Variants in CDC20 observed in about 807,000 individuals in gnomAD.
CDC20 encodes the protein cell division cycle protein 20 homolog.
CDC20 carries 34 observed loss-of-function variants against 60.0 expected under a neutral mutation model. The observed-to-expected ratio is 0.57, with a 90% CI of 0.43 to 0.75. The LOEUF is 0.75. Among genes scored for constraint, CDC20 ranks in the 30% least tolerant of loss-of-function variants. CDC20 has a pLI of 0.00. For missense variants in CDC20, 469 were observed against 647.3 expected (o/e 0.72, Z 2.99); for synonymous variants, 198 against 243.5 (o/e 0.81, Z 1.74).
At chr1:43,361,270 C>T in intron 9 of CDC20, 25 bp downstream of exon 9, 1 of 1,552,906 alleles carries the variant, frequency 6.4e-7, no homozygotes. Context: ...GTTCCTGCCT[C>T]TCCCACATGC....
intron 7 of CDC20, 41 bp downstream of exon 7, chr1:43,360,634 C>A (rs1647168683): frequency 1.3e-6 from 2 of 1,580,924 alleles, no homozygotes; most frequent in African/African-American, 2.7e-5. Context: ...TGATATTTGC[C>A]CACCCTCCCC....
rs200136845 is a variant in CDC20, at chr1:43,359,832, A to G, written c.427+11A>G. Reference sequence around the variant, plus strand: ...AAAATGCGCCAGAGGGTAAGACCCGAAGTTCCTGGTTCCTGGAGGGAGGTG... The same window carrying G: ...AAAATGCGCCAGAGGGTAAGACCCGGAGTTCCTGGTTCCTGGAGGGAGGTG... On this transcript the variant is annotated intron_variant, in intron 4 of 10. Transcript: ENST00000310955. 5 of 1,613,630 alleles carry G rather than the reference A, an allele frequency of 3.1e-6. No individual in the cohort carries two copies. The Admixed American group carries it at 8.3e-5, about 27-fold the overall frequency.
chr1:43,362,340 T>C (rs377717351), intron 10 of CDC20, 28 bp downstream of exon 10: 1 of 950,020 alleles, frequency 1.1e-6, no homozygotes, highest in African/African-American at 1.6e-5. Flanking sequence ...AAGCCGGACA[T>C]AAAAGGCCAC....
At position 43,360,082 on chromosome 1, in the gene CDC20, A is replaced by C; in HGVS notation, c.541A>C (p.Ile181Leu). The change falls in exon 5 of 11, where the codon ATC (isoleucine) becomes CTC (leucine). Residue 181 changes from isoleucine to leucine, a missense_variant. Physicochemically the swap from Ile to Leu is conservative, Grantham distance 5 (BLOSUM62 2). This residue lies in a region of CDC20 where 255 missense variants were observed against 326.7 expected (regional missense o/e 0.78). Coordinates refer to ENST00000310955, the MANE Select transcript of CDC20 (RefSeq NM_001255.3). ...AGACCGTATCCTGGATGCGCCTGAA[A>C]TCCGAAATGACTATTGTAAGTGCAT... ...LPDRILDAPE[I>L]RNDYYLNLVD... 6.2e-7 allele frequency: 1 copy of C among 1,614,222 alleles called. No individual in the cohort carries two copies. Among genetic ancestry groups the C allele is most frequent in the Non-Finnish European group, 8.5e-7 (1 of 1,180,044 alleles).
At position 43,362,871 on chromosome 1, in the gene CDC20, AAGGT is replaced by A. The variant is rs1360795496; in HGVS notation, c.1322-75_1322-72del. The A allele has an allele frequency of 2.1e-5, 23 of 1,094,604 alleles. No individual in the cohort carries two copies. The East Asian group carries it at 5.0e-4, about 24-fold the overall frequency. The allele number at this position is 1,094,604 out of a possible 1,614,324, so 67.8% of individuals were successfully genotyped here. ...CAGAGCAAGTCTCAAAAAAAACAAA[AAGGT>A]AGGTGGGTGGCCCAGTGCCTCCTTT... On this transcript the variant is annotated intron_variant, in intron 10 of 10. Transcript: ENST00000310955.
At position 43,359,208 on chromosome 1, in the gene CDC20, G is replaced by GCGCT; in HGVS notation, c.-6_-3dup. 1 of 1,611,554 alleles carries GCGCT rather than the reference G, an allele frequency of 6.2e-7. No individual in the cohort carries two copies. The highest frequency in any genetic ancestry group is 2.2e-5 in the East Asian group (1 of 44,858). ...ACTGCAAGGACCCCTCCCCCTGCGG[G>GCGCT]CGCTCCCATGGCACAGTTCGCGTTC... is the stretch of plus-strand genomic sequence containing the variant. On this transcript the variant is annotated 5_prime_UTR_variant, in exon 2 of 11. Transcript: ENST00000310955.
At chr1:43,359,943 C>A (rs773745868) in intron 4 of CDC20, 26 bp from the exon 5 acceptor site, 1 of 1,613,738 alleles carries the variant, frequency 6.2e-7, no homozygotes, top group Non-Finnish European at 8.5e-7. Flanking sequence ...ATTTTCCCAG[C>A]GTCTAGACTC....
In CDC20 at chr1:43,360,084, C is replaced by T; in HGVS notation, c.543C>T (p.Ile181=). 6.2e-7 allele frequency: 1 copy of T among 1,614,220 alleles called. No individual in the cohort carries two copies. The highest frequency in any genetic ancestry group is 8.5e-7 in the Non-Finnish European group (1 of 1,180,032). Residue 181 remains isoleucine, a synonymous_variant, in exon 5 of 11, where the codon ATC becomes ATT. Transcript: ENST00000310955. The part of the protein sequence containing the change: ...LPDRILDAPE[I]RNDYYLNLVD... ...ACCGTATCCTGGATGCGCCTGAAATCCGAAATGACTATTGTAAGTGCATCC... is the reference window on the plus strand; with the variant it reads ...ACCGTATCCTGGATGCGCCTGAAATTCGAAATGACTATTGTAAGTGCATCC...
Position 43,359,173 on chromosome 1 carries a change from G to C in CDC20, c.-43G>C. 1.9e-6 allele frequency: 3 copies of C among 1,604,094 alleles called. No homozygotes were observed. The highest frequency in any genetic ancestry group is 1.1e-5 in the South Asian group (1 of 90,846). On this transcript the variant is annotated 5_prime_UTR_variant, in exon 2 of 11. Transcript: ENST00000310955. ...GTCGCCTCCTTTCCTCCAGGGCTCC[G>C]TAGGCACCAACTGCAAGGACCCCTC...
In CDC20 at chr1:43,360,111, T is replaced by C. The variant is rs756340067; in HGVS notation, c.556+14T>C. ...GAAATGACTATTGTAAGTGCATCCT[T>C]ATCCTCGCCTCATGCATGGAGAAAG... On this transcript the variant is annotated intron_variant, in intron 5 of 10. Coordinates refer to ENST00000310955, the MANE Select transcript of CDC20 (RefSeq NM_001255.3). 1 of 1,614,220 alleles carries C rather than the reference T, an allele frequency of 6.2e-7. No individual in the cohort carries two copies. Among genetic ancestry groups the C allele is most frequent in the East Asian group, 2.2e-5 (1 of 44,892 alleles).
chr1:43,360,891 G>A lies in CDC20; in HGVS notation c.1007G>A (p.Trp336Ter). 1 of 1,614,174 alleles carries A rather than the reference G, an allele frequency of 6.2e-7. No homozygotes were observed. The highest frequency in any genetic ancestry group is 1.1e-5 in the South Asian group (1 of 91,084). The change falls in exon 8 of 11, where the codon TGG becomes TAG. Residue 336 changes from tryptophan (W) to a stop codon, truncating the protein, a stop_gained. Coordinates refer to ENST00000310955, the MANE Select transcript of CDC20 (RefSeq NM_001255.3). LOFTEE classifies it high-confidence loss of function. ...SGGNDNLVNV[W>*]PSAPGEGGWV... Reference sequence around the variant, plus strand: ...GGTAATGATAACTTGGTCAATGTGTGGCCTAGTGCTCCTGGAGAGGGTGGC... The same window carrying A: ...GGTAATGATAACTTGGTCAATGTGTAGCCTAGTGCTCCTGGAGAGGGTGGC...
intron 1 of CDC20, 60 bp downstream of exon 1, chr1:43,359,066 C>A: frequency 1.3e-6 from 1 of 762,572 alleles, no homozygotes; most frequent in Non-Finnish European, 2.2e-6. Context: ...GGGTGCTAGG[C>A]CGGAAGGGGC....
chr1:43,362,871 A>AAGGT, intron 10 of CDC20, 80 bp from the exon 11 acceptor site: 1 of 1,094,604 alleles, frequency 9.1e-7, no homozygotes, highest in Admixed American at 2.7e-5. Flanking sequence ...AAAAAACAAA[A>AAGGT]AGGTAGGTGG....
rs773648579 is a variant in CDC20 at position 43,362,361 on chromosome 1, A to G, written c.1321+49A>G. 7.4e-6 allele frequency: 6 copies of G among 810,230 alleles called. No individual in the cohort carries two copies. The South Asian group carries it at 8.3e-5, about 11-fold the overall frequency. The allele number at this position is 810,230 out of a possible 1,614,324, so 50.2% of individuals were successfully genotyped here. A position where few individuals can be genotyped will look rare whatever the true frequency, so the allele number is the denominator to read the frequency against. ...GACATAAAAGGCCACATAATGTATG[A>G]CTGAAATGTCCAGAATAAGCAAATC... On this transcript the variant is annotated intron_variant, in intron 10 of 10. Coordinates refer to ENST00000310955, the MANE Select transcript of CDC20 (RefSeq NM_001255.3).
chr1:43,360,098 G>A lies in CDC20; in HGVS notation c.556+1G>A, dbSNP rs752709238. The A allele has an allele frequency of 2.5e-6, 4 of 1,614,098 alleles. No homozygotes were observed. The African/African-American group carries it at 5.3e-5, about 22-fold the overall frequency. On this transcript the variant is annotated splice_donor_variant, in intron 5 of 10. Coordinates refer to ENST00000310955, the MANE Select transcript of CDC20 (RefSeq NM_001255.3). LOFTEE classifies it high-confidence loss of function. The stretch of plus-strand genomic sequence containing the variant: ...GCGCCTGAAATCCGAAATGACTATT[G>A]TAAGTGCATCCTTATCCTCGCCTCA...
rs763771807 is a variant in CDC20 at position 43,359,720 on chromosome 1, G to A, written c.331-5G>A. ...ATCTTGCTCCTTCACTACCCTTTATGCCAGGAACATCAGAAAGCCTGGGCT... is the reference window on the plus strand; with the variant it reads ...ATCTTGCTCCTTCACTACCCTTTATACCAGGAACATCAGAAAGCCTGGGCT... On this transcript the variant is annotated splice_region_variant and splice_polypyrimidine_tract_variant and intron_variant, in intron 3 of 10. Coordinates refer to ENST00000310955, the MANE Select transcript of CDC20 (RefSeq NM_001255.3). 2 of 1,613,824 alleles carry A rather than the reference G, an allele frequency of 1.2e-6. No homozygotes were observed. Among genetic ancestry groups the A allele is most frequent in the Non-Finnish European group, 1.7e-6 (2 of 1,179,998 alleles).
rs761162538 is a variant in CDC20, at chr1:43,360,469, T to A, written c.754-30T>A. Reference sequence around the variant, plus strand: ...GGAGGATATTAATGCCAAGTCCCAATCTCTGATCCTAGTGGGCTTCTCTCT... The same window carrying A: ...GGAGGATATTAATGCCAAGTCCCAAACTCTGATCCTAGTGGGCTTCTCTCT... On this transcript the variant is annotated intron_variant, in intron 6 of 10. Coordinates refer to ENST00000310955, the MANE Select transcript of CDC20 (RefSeq NM_001255.3). 6 of 1,610,710 alleles carry A rather than the reference T, an allele frequency of 3.7e-6. No individual in the cohort carries two copies. In the East Asian group the frequency reaches 1.3e-4, roughly 36 times the overall value.
In CDC20 at chr1:43,359,777, C is replaced by G; in HGVS notation, c.383C>G (p.Ala128Gly). 1 of 1,613,932 alleles carries G rather than the reference C, an allele frequency of 6.2e-7. No individual in the cohort carries two copies. Among genetic ancestry groups the G allele is most frequent in the East Asian group, 2.2e-5 (1 of 44,888 alleles). Residue 128 changes from alanine to glycine, a missense_variant, in exon 4 of 11, where the codon GCC becomes GGC. Coordinates refer to ENST00000310955, the MANE Select transcript of CDC20 (RefSeq NM_001255.3). ...LNLNGFDVEE[A>G]KILRLSGKPQ... Reference sequence around the variant, plus strand: ...CTGAACGGTTTTGATGTAGAGGAAGCCAAGATCCTTCGGCTCAGTGGAAAA... The same window carrying G: ...CTGAACGGTTTTGATGTAGAGGAAGGCAAGATCCTTCGGCTCAGTGGAAAA...
intron 9 of CDC20, among the ~76,000 whole-genome samples, chr1:43,361,668 TGTCAA>T (rs1647173220): frequency 6.6e-6 from 1 of 152,220 alleles, no homozygotes; most frequent in African/African-American, 2.4e-5. Flanking sequence ...TCCTCACTGG[TGTCAA>T]GCATTCTTTG....
Sources: gnomAD v4.1 joint callset for allele counts (sites outside exome capture counted in the v4.1 genomes callset) on GRCh38, gnomAD v4.1.1 for gene constraint, gnomAD v4.1.1 regional missense constraint, MANE v1.5 for transcripts, NCBI Gene and HGNC (gene_info 2026-07-23, HGNC 2026-07-21) for gene names.